Variants in VWA3B observed in about 807,000 individuals in gnomAD.
VWA3B encodes the protein von Willebrand factor A domain-containing protein 3B.
In VWA3B, 138 loss-of-function variants were observed where a neutral mutation model predicts 158.3. That is an observed-to-expected ratio of 0.87 (90% CI 0.76 to 1.00). VWA3B has a LOEUF of 1.00. VWA3B is among the 50% of genes least tolerant of loss of function. The pLI, the probability that VWA3B is intolerant of heterozygous loss-of-function variation, is 0.00. For synonymous variants in VWA3B, 596 were observed against 587.3 expected (o/e 1.01, Z -0.21); for missense variants, 1,555 against 1,565.1 (o/e 0.99, Z 0.11).
chr2:98,225,495 TTAG>T (rs1558696641), intron 14 of VWA3B, among the ~76,000 whole-genome samples: 1 of 152,160 alleles, frequency 6.6e-6, no homozygotes, highest in East Asian at 1.9e-4. Flanking sequence ...AAAGTCATAC[TTAG>T]TAGTGAAAGG....
At chr2:98,217,531 T>C (rs1361232940) in intron 13 of VWA3B, among the ~76,000 whole-genome samples, 2 of 152,230 alleles carry the variant, frequency 1.3e-5, no homozygotes, top group African/African-American at 2.4e-5. Flanking sequence ...GCACTTTAAA[T>C]GCATGGACTG....
chr2:98,242,129 G>C (rs965133826), intron 19 of VWA3B: 1 of 420,184 alleles, frequency 2.4e-6, no homozygotes, highest in Middle Eastern at 3.5e-4. Flanking sequence ...TGTGTTCTGT[G>C]CACGGCCACA....
At chr2:98,177,733 G>A (rs749042614) in intron 8 of VWA3B, among the ~76,000 whole-genome samples, 18 of 152,184 alleles carry the variant, frequency 1.2e-4, no homozygotes, top group African/African-American at 4.1e-4. Context: ...GGACTGCACC[G>A]CCTGGTCCAC....
At chr2:98,179,546 C>A (rs1558640417) in intron 8 of VWA3B, among the ~76,000 whole-genome samples, 2 of 152,154 alleles carry the variant, frequency 1.3e-5, no homozygotes, top group Non-Finnish European at 2.9e-5. Context: ...TCAGGGGAGG[C>A]AGCCTCCTAG....
At chr2:98,245,687 A>ATTCT (rs1553426662) in intron 19 of VWA3B, 2 of 445,350 alleles carry the variant, frequency 4.5e-6, no homozygotes, top group Non-Finnish European at 9.0e-6. Flanking sequence ...AATGTTGCTT[A>ATTCT]GTGGTATTGA....
chr2:98,163,138 G>A (rs1678772788), intron 8 of VWA3B, among the ~76,000 whole-genome samples, 162 bp downstream of exon 8: 1 of 152,170 alleles, frequency 6.6e-6, no homozygotes, highest in African/African-American at 2.4e-5. Flanking sequence ...GGTGGGGAGG[G>A]GGCTGAACAC....
At chr2:98,158,393 A>C (rs1678277696) in intron 7 of VWA3B, among the ~76,000 whole-genome samples, 1 of 152,162 alleles carries the variant, frequency 6.6e-6, no homozygotes, top group Admixed American at 6.5e-5. Context: ...GGCTGGGGAC[A>C]TGTTGCTGAG....
At chr2:98,199,484 T>C (rs890016005) in intron 12 of VWA3B, among the ~76,000 whole-genome samples, 8 of 152,170 alleles carry the variant, frequency 5.3e-5, no homozygotes, top group African/African-American at 1.9e-4. Flanking sequence ...AGCATCAGCA[T>C]TTTCTTGTAC....
At chr2:98,134,799 G>A (rs549295752) in intron 7 of VWA3B, among the ~76,000 whole-genome samples, 7 of 152,002 alleles carry the variant, frequency 4.6e-5, no homozygotes, top group South Asian at 2.1e-4. Flanking sequence ...TTTACGTAAC[G>A]GTGCTGCAAA....
intron 19 of VWA3B, among the ~76,000 whole-genome samples, chr2:98,243,109 C>G (rs35722165): frequency 7.2e-5 from 11 of 151,800 alleles, no homozygotes; most frequent in Admixed American, 2.0e-4. Context: ...ATATCCAGAC[C>G]CTTTGTTCTT....
chr2:98,329,099 C>T, the VWA3B span, among the ~76,000 whole-genome samples: 1 of 152,016 alleles, frequency 6.6e-6, no homozygotes, highest in East Asian at 1.9e-4. Context: ...AAAGTCTTTT[C>T]AACAAATGAT....
In VWA3B at chr2:98,312,521, C is replaced by T. The variant is rs545550455; in HGVS notation, c.*172C>T. The T allele has an allele frequency of 2.2e-5, 17 of 782,332 alleles. No homozygotes were observed. In the Admixed American group the frequency reaches 3.4e-4, roughly 16 times the overall value. 48.5% of individuals were successfully genotyped at this position (782,332 alleles called of 1,614,324 possible). A position where few individuals can be genotyped will look rare whatever the true frequency, so the allele number is the denominator to read the frequency against. On this transcript the variant is annotated 3_prime_UTR_variant, in exon 28 of 28. Coordinates refer to ENST00000477737, the MANE Select transcript of VWA3B (RefSeq NM_144992.5). The stretch of plus-strand genomic sequence containing the variant: ...CTCCCCTCCATCCCTGCTGCCTCCC[C>T]TACCCGTTTGACGACTTGGTTCTGG...
At chr2:98,163,559 A>G (rs1678823145) in intron 8 of VWA3B, among the ~76,000 whole-genome samples, 1 of 152,144 alleles carries the variant, frequency 6.6e-6, no homozygotes, top group South Asian at 2.1e-4. Context: ...AACAACAACA[A>G]TAACAATAAC....
Position 98,093,287 on chromosome 2 carries a change from A to G in VWA3B, c.195A>G (p.Glu65=), listed in dbSNP as rs1158115590. ...ILSQIGFPHC[E]DYVASLGRPV... ...CACAGATCGGATTCCCACATTGTGA[A>G]GGTACAGTACTCACAAACAACCAGC... The change falls in exon 2 of 28, where the codon GAA becomes GAG. Residue 65 remains glutamate (E), a splice_region_variant and synonymous_variant. Coordinates refer to ENST00000477737, the MANE Select transcript of VWA3B (RefSeq NM_144992.5). 1.2e-6 allele frequency: 2 copies of G among 1,613,990 alleles called. No homozygotes were observed. Among genetic ancestry groups the G allele is most frequent in the Non-Finnish European group, 8.5e-7 (1 of 1,179,890 alleles).
At chr2:98,155,578 C>A (rs533357972) in intron 7 of VWA3B, among the ~76,000 whole-genome samples, 93 of 152,284 alleles carry the variant, frequency 6.1e-4, no homozygotes, top group African/African-American at 2.0e-3. Context: ...AATGTGGTAA[C>A]GTGTTTAAGT....
At chr2:98,267,806 G>A (rs1156769962) in intron 21 of VWA3B, among the ~76,000 whole-genome samples, 1 of 151,694 alleles carries the variant, frequency 6.6e-6, no homozygotes, top group Non-Finnish European at 1.5e-5. Flanking sequence ...GACTAATAAA[G>A]AAAAAAAGAG....
chr2:98,175,828 A>G (rs1423516710), intron 8 of VWA3B, among the ~76,000 whole-genome samples: 1 of 152,168 alleles, frequency 6.6e-6, no homozygotes, highest in Non-Finnish European at 1.5e-5. Context: ...TCCACAATGA[A>G]TCCGTTTGGT....
intron 12 of VWA3B, among the ~76,000 whole-genome samples, chr2:98,199,511 A>G (rs1403133792): frequency 6.6e-6 from 1 of 152,144 alleles, no homozygotes; most frequent in Non-Finnish European, 1.5e-5. Flanking sequence ...CCTGAGCCCC[A>G]ATTTCCGCAG....
chr2:98,096,403 G>A (rs1682712432), intron 2 of VWA3B, among the ~76,000 whole-genome samples: 1 of 152,094 alleles, frequency 6.6e-6, no homozygotes. Flanking sequence ...CAAGTAGCTG[G>A]GATTACAGGC....
Sources: gnomAD v4.1 joint callset for allele counts (sites outside exome capture counted in the v4.1 genomes callset) on GRCh38, gnomAD v4.1.1 for gene constraint, MANE v1.5 for transcripts, NCBI Gene and HGNC (gene_info 2026-07-23, HGNC 2026-07-21) for gene names.